CFAP54: variants seen among roughly 807,000 people sequenced by gnomAD.
CFAP54 encodes cilia- and flagella-associated protein 54.
Under a neutral mutation model 370.4 loss-of-function variants are expected in CFAP54, and 290 were observed. The ratio of observed to expected loss-of-function variants is 0.78; its 90% confidence interval spans 0.71 to 0.86. CFAP54 has a LOEUF of 0.86. CFAP54 is among the 40% of genes least tolerant of loss of function. The probability of loss-of-function intolerance (pLI) is 0.00; values close to 1 mark genes in which losing one functional copy is unlikely to be tolerated. For missense variants in CFAP54, 3,399 were observed against 3,528.7 expected, an observed-to-expected ratio of 0.96 and a Z score of 0.93; for synonymous variants, 1,206 against 1,236.5, an observed-to-expected ratio of 0.98 and a Z score of 0.52.
chr12:96,874,462 A>G (rs2136476456), intron 67 of CFAP54, among the ~76,000 whole-genome samples: 1 of 152,248 alleles, frequency 6.6e-6, no homozygotes, highest in East Asian at 1.9e-4. Context: ...ACAAGGAAAC[A>G]GAAGAATAGA....
At chr12:96,534,755 C>A (rs1044492568) in intron 11 of CFAP54, among the ~76,000 whole-genome samples, 10 of 152,098 alleles carry the variant, frequency 6.6e-5, no homozygotes, top group African/African-American at 2.4e-4. Context: ...TAATGTTTTG[C>A]CATGTTCTTA....
intron 32 of CFAP54, among the ~76,000 whole-genome samples, chr12:96,633,810 A>G (rs1319557271): frequency 6.6e-6 from 1 of 152,112 alleles, no homozygotes; most frequent in Non-Finnish European, 1.5e-5. Context: ...CAAGAGTGCA[A>G]TTGCTTGGTC....
At chr12:96,556,441 C>T (rs1955752446) in intron 17 of CFAP54, among the ~76,000 whole-genome samples, 1 of 151,786 alleles carries the variant, frequency 6.6e-6, no homozygotes, top group South Asian at 2.1e-4. Context: ...TTCCAAGTCC[C>T]CCATACATTT....
chr12:96,733,973 A>G (rs1957952595), intron 50 of CFAP54, among the ~76,000 whole-genome samples: 1 of 152,210 alleles, frequency 6.6e-6, no homozygotes, highest in Non-Finnish European at 1.5e-5. Flanking sequence ...GAGGTGCCTC[A>G]GAAATGTGTG....
chr12:96,651,723 G>T lies in CFAP54; in HGVS notation c.5008G>T (p.Gly1670Cys). 2 of 1,613,734 alleles carry T rather than the reference G, an allele frequency of 1.2e-6. No homozygotes were observed. Among genetic ancestry groups the T allele is most frequent in the Non-Finnish European group, 8.5e-7 (1 of 1,179,750 alleles). The change falls in exon 36 of 68, where the codon GGT (glycine) becomes TGT (cysteine). Residue 1670 changes from glycine (G) to cysteine (C), a missense_variant. By Grantham distance (159) the Gly-to-Cys change is radical. Coordinates refer to ENST00000524981, the MANE Select transcript of CFAP54 (RefSeq NM_001306084.2). ...TAAAACATTTCCTATTAGCCAAGAT[G>T]GTTTCCTCTGCACCTCTGTTTTACC... ...LDKTFPISQDGFLCTSVLPFY... is the reference protein window; with the variant it reads ...LDKTFPISQDCFLCTSVLPFY...
intron 39 of CFAP54, among the ~76,000 whole-genome samples, chr12:96,674,328 A>G (rs1408470625): frequency 1.8e-5 from 2 of 112,486 alleles, no homozygotes; most frequent in East Asian, 2.8e-4. Flanking sequence ...GAAAGACACA[A>G]TGTTTTTCTT....
chr12:96,864,949 A>T (rs1375080226), intron 67 of CFAP54, among the ~76,000 whole-genome samples: 1 of 152,134 alleles, frequency 6.6e-6, no homozygotes, highest in East Asian at 1.9e-4. Flanking sequence ...AAAAGATTTA[A>T]ATATTATTAT....
chr12:96,756,682 C>T, intron 57 of CFAP54, 119 bp downstream of exon 57: 1 of 673,332 alleles, frequency 1.5e-6, no homozygotes, highest in South Asian at 1.8e-5. Context: ...AGGGCTAGTT[C>T]ATGGGGTCCA....
chr12:96,586,081 A>G (rs1478763696), intron 22 of CFAP54, among the ~76,000 whole-genome samples: 1 of 152,148 alleles, frequency 6.6e-6, no homozygotes, highest in Non-Finnish European at 1.5e-5. Flanking sequence ...TCAACACATT[A>G]TTTGAGTGCT....
intron 5 of CFAP54, among the ~76,000 whole-genome samples, chr12:96,513,696 G>A (rs902628429): frequency 9.2e-5 from 14 of 152,064 alleles, no homozygotes; most frequent in African/African-American, 2.2e-4. Context: ...AGCCAAGATC[G>A]TGCCACTTTG....
chr12:96,787,094 A>G (rs1018280505), intron 62 of CFAP54, among the ~76,000 whole-genome samples, 196 bp downstream of exon 62: 2 of 152,194 alleles, frequency 1.3e-5, no homozygotes, highest in African/African-American at 4.8e-5. Context: ...TCACATTTCA[A>G]TTGTTCAGTC....
At chr12:96,642,228 C>T (rs1956738609) in intron 32 of CFAP54, among the ~76,000 whole-genome samples, 1 of 152,042 alleles carries the variant, frequency 6.6e-6, no homozygotes, top group South Asian at 2.1e-4. Flanking sequence ...GACATGCTTC[C>T]ATCATTTTTT....
intron 55 of CFAP54, among the ~76,000 whole-genome samples, chr12:96,752,377 C>T (rs890072232): frequency 1.3e-5 from 2 of 151,966 alleles, no homozygotes; most frequent in Non-Finnish European, 2.9e-5. Flanking sequence ...TTTCAGAGGA[C>T]GCTCAAGGCT....
intron 50 of CFAP54, among the ~76,000 whole-genome samples, chr12:96,734,799 A>G (rs1957960871): frequency 6.6e-6 from 1 of 152,232 alleles, no homozygotes; most frequent in African/African-American, 2.4e-5. Context: ...AAAAATGTCA[A>G]CTGATTTAAT....
At chr12:96,718,352 C>T (rs1957708734) in intron 48 of CFAP54, 91 bp from the exon 49 acceptor site, 1 of 708,360 alleles carries the variant, frequency 1.4e-6, no homozygotes. Context: ...GAGCCAGACC[C>T]TGTCTCAAAA....
intron 5 of CFAP54, among the ~76,000 whole-genome samples, chr12:96,516,817 C>CT (rs954105594): frequency 6.6e-6 from 1 of 152,144 alleles, no homozygotes. Flanking sequence ...ATTACACAAA[C>CT]TTTAAGTCCT....
chr12:96,866,899 G>C (rs1210052041), intron 67 of CFAP54, among the ~76,000 whole-genome samples: 2 of 152,170 alleles, frequency 1.3e-5, no homozygotes, highest in African/African-American at 4.8e-5. Context: ...TGAGATTCAA[G>C]TCAACTGTTT....
chr12:96,548,028 C>T (rs1451582404), intron 15 of CFAP54, 50 bp downstream of exon 15: 19 of 776,618 alleles, frequency 2.4e-5, no homozygotes, highest in Non-Finnish European at 3.4e-5. Context: ...ATTTTATTTT[C>T]AAATAATATT....
chr12:96,612,842 C>G (rs965911614), intron 26 of CFAP54, among the ~76,000 whole-genome samples: 1 of 152,058 alleles, frequency 6.6e-6, no homozygotes, highest in African/African-American at 2.4e-5. Context: ...ATATATGCAC[C>G]CAATACAGAA....
Sources: allele counts gnomAD v4.1 joint callset (sites outside exome capture counted in the v4.1 genomes callset), GRCh38; gene constraint gnomAD v4.1.1; transcripts MANE v1.5; gene names NCBI Gene and HGNC (gene_info 2026-07-23, HGNC 2026-07-21).